Variants in ANK2 observed in about 807,000 individuals in gnomAD.
ANK2 encodes ankyrin 2.
A neutral mutation model predicts 360.5 loss-of-function variants in ANK2; 83 were observed. The ratio of observed to expected loss-of-function variants is 0.23; its 90% confidence interval spans 0.19 to 0.28. The LOEUF (loss-of-function observed/expected upper bound fraction) is 0.28. ANK2 is among the 10% of genes least tolerant of loss of function. ANK2 has a pLI of 1.00. For missense variants in ANK2, 4,201 were observed against 4,795.7 expected (o/e 0.88, Z 3.66); for synonymous variants, 1,740 against 1,759.5 (o/e 0.99, Z 0.28).
intron 2 of ANK2, among the ~76,000 whole-genome samples, chr4:113,002,786 T>G (rs1247851321): frequency 6.6e-6 from 1 of 152,192 alleles, no homozygotes; most frequent in African/African-American, 2.4e-5. Context: ...CTCTTGTGAG[T>G]GGGTCCTTGT....
At chr4:113,221,603 G>C (rs2099152644) in intron 4 of ANK2, among the ~76,000 whole-genome samples, 1 of 151,722 alleles carries the variant, frequency 6.6e-6, no homozygotes, top group African/African-American at 2.4e-5. Flanking sequence ...AGGTTCCAGT[G>C]AGCCGAGATC....
intron 1 of ANK2, among the ~76,000 whole-genome samples, chr4:112,861,231 G>A (rs2067912308): frequency 6.6e-6 from 1 of 152,134 alleles, no homozygotes; most frequent in South Asian, 2.1e-4. Context: ...AATTAGCTGG[G>A]CTACACTCAA....
chr4:112,774,834 G>T, the ANK2 span, among the ~76,000 whole-genome samples: 1 of 152,174 alleles, frequency 6.6e-6, no homozygotes, highest in Non-Finnish European at 1.5e-5. Flanking sequence ...ATTTGGAACT[G>T]TTTATAGACA....
intron 1 of ANK2, among the ~76,000 whole-genome samples, chr4:112,892,588 T>A (rs1033707110): frequency 3.9e-5 from 6 of 152,358 alleles, no homozygotes; most frequent in Admixed American, 3.9e-4. Context: ...GAATATAAAG[T>A]ACTTTACAAA....
chr4:112,957,469 C>T (rs2029869469), intron 2 of ANK2, among the ~76,000 whole-genome samples: 1 of 152,238 alleles, frequency 6.6e-6, no homozygotes, highest in African/African-American at 2.4e-5. Flanking sequence ...CCGCCTTTCC[C>T]CCCTTTCTAT....
chr4:113,346,598 A>G (rs987783373), intron 35 of ANK2, among the ~76,000 whole-genome samples: 5 of 152,178 alleles, frequency 3.3e-5, no homozygotes, highest in Admixed American at 3.3e-4. Flanking sequence ...CTGTAGTCCC[A>G]GCTACTCTGG....
At chr4:112,936,432 G>A (rs187332434) in intron 2 of ANK2, among the ~76,000 whole-genome samples, 2 of 149,848 alleles carry the variant, frequency 1.3e-5, no homozygotes, top group African/African-American at 2.5e-5. Flanking sequence ...TGCAGCCTCC[G>A]CCTCCGGCGT....
chr4:113,174,120 A>G, intron 1 of ANK2: 1 of 344,602 alleles, frequency 2.9e-6, no homozygotes, highest in Non-Finnish European at 5.7e-6. Context: ...GCTAGCATCA[A>G]CACGTCTTCA....
chr4:112,771,482 T>C, the ANK2 span, among the ~76,000 whole-genome samples: 1 of 152,036 alleles, frequency 6.6e-6, no homozygotes. Context: ...CCAAAAGAAA[T>C]AATTAGAACT....
intron 17 of ANK2, among the ~76,000 whole-genome samples, chr4:113,281,611 C>T (rs2062396949): frequency 6.6e-6 from 1 of 152,100 alleles, no homozygotes; most frequent in Admixed American, 6.6e-5. Context: ...TCTTTCCCTT[C>T]AGCATGTCAC....
At chr4:113,172,000 A>G (rs562812192) in intron 1 of ANK2, among the ~76,000 whole-genome samples, 1 of 152,322 alleles carries the variant, frequency 6.6e-6, no homozygotes, top group East Asian at 1.9e-4. Context: ...TAGGAACAAT[A>G]GAGCAACCTG....
the ANK2 span, among the ~76,000 whole-genome samples, chr4:112,744,558 C>T: frequency 8.6e-5 from 13 of 151,972 alleles, no homozygotes; most frequent in Non-Finnish European, 1.8e-4. Context: ...CGATGTTGGC[C>T]AGGCTGGTCT....
rs190944836 is a variant in ANK2, at chr4:113,246,028, T to A, written c.892-3736T>A. ...TCAGGCTGGTCTCAAACTCCTGACCTCAGGTGATCTGCCCGCCTTGGCCTC... is the reference window on the plus strand; with the variant it reads ...TCAGGCTGGTCTCAAACTCCTGACCACAGGTGATCTGCCCGCCTTGGCCTC... On this transcript the variant is annotated intron_variant, in intron 9 of 45. Transcript: ENST00000357077. Among the ~76,000 whole-genome samples the A allele has an allele frequency of 1.0e-3, 159 of 152,326 alleles. 4 individuals carry two copies. The highest frequency in any genetic ancestry group is 8.4e-3 in the Admixed American group (129 of 15,306).
chr4:113,063,218 T>A (rs1179009679), intron 1 of ANK2, among the ~76,000 whole-genome samples: 1 of 152,128 alleles, frequency 6.6e-6, no homozygotes. Flanking sequence ...CCACCAAATT[T>A]GTTATGTGTT....
the ANK2 span, among the ~76,000 whole-genome samples, chr4:112,802,084 G>A: frequency 6.6e-6 from 1 of 152,234 alleles, no homozygotes; most frequent in African/African-American, 2.4e-5. Flanking sequence ...CTGGTTTCCG[G>A]TTTGGCTACT....
chr4:113,374,696 T>C (rs2096863346), intron 45 of ANK2: 1 of 958,970 alleles, frequency 1.0e-6, no homozygotes, highest in Non-Finnish European at 1.3e-6. Flanking sequence ...TTTTTTAACA[T>C]AGAAAAAATT....
the ANK2 span, among the ~76,000 whole-genome samples, chr4:112,777,778 C>T: frequency 8.6e-5 from 13 of 150,318 alleles, no homozygotes; most frequent in South Asian, 4.2e-4. Flanking sequence ...TCACCACACC[C>T]GGCTAATTTT....
chr4:113,049,849 A>G, intron 1 of ANK2, 37 bp downstream of exon 1: 1 of 1,607,844 alleles, frequency 6.2e-7, no homozygotes, highest in Non-Finnish European at 8.5e-7. Flanking sequence ...GTGTATAAAT[A>G]TGTATGTGTG....
In ANK2 at chr4:113,278,442, T is replaced by TA. The variant is rs1281379995; in HGVS notation, c.1783-15dup. The TA allele has an allele frequency of 3.7e-6, 6 of 1,612,304 alleles. No individual in the cohort carries two copies. The highest frequency in any genetic ancestry group is 5.1e-6 in the Non-Finnish European group (6 of 1,178,576). Reference sequence around the variant, plus strand: ...ACCCTAATTTATTAATGCTGAAACTTAAACACACCCTTTACAGAACGGCCT... The same window carrying TA: ...ACCCTAATTTATTAATGCTGAAACTTAAAACACACCCTTTACAGAACGGCCT... On this transcript the variant is annotated splice_polypyrimidine_tract_variant and intron_variant, in intron 16 of 45. Coordinates refer to ENST00000357077, the MANE Select transcript of ANK2 (RefSeq NM_001148.6).
Sources: gnomAD v4.1 joint callset for allele counts (sites outside exome capture counted in the v4.1 genomes callset) on GRCh38, gnomAD v4.1.1 for gene constraint, MANE v1.5 for transcripts, NCBI Gene and HGNC (gene_info 2026-07-23, HGNC 2026-07-21) for gene names.